RNF182: variants seen among roughly 807,000 people sequenced by gnomAD.
RNF182 encodes ring finger protein 182.
Under a neutral mutation model 14.4 loss-of-function variants are expected in RNF182, and 15 were observed. The observed-to-expected ratio is 1.04, with a 90% CI of 0.70 to 1.60. RNF182 has a LOEUF of 1.60. Ranked by LOEUF, RNF182 falls within the 40% of genes most tolerant of loss-of-function variation. The probability of loss-of-function intolerance (pLI) is 0.00; values close to 1 mark genes in which losing one functional copy is unlikely to be tolerated. For synonymous variants in RNF182, 128 were observed against 122.9 expected (o/e 1.04, Z -0.27); for missense variants, 268 against 294.8 (o/e 0.91, Z 0.67).
chr6:13,938,991 G>A (rs1388903043), intron 1 of RNF182, among the ~76,000 whole-genome samples: 2 of 152,210 alleles, frequency 1.3e-5, no homozygotes, highest in Non-Finnish European at 2.9e-5. Flanking sequence ...GCTGAGGCAT[G>A]TGAATTGCTT....
At chr6:13,935,304 C>A (rs200246296) in intron 1 of RNF182, among the ~76,000 whole-genome samples, 1 of 150,014 alleles carries the variant, frequency 6.7e-6, no homozygotes, top group Non-Finnish European at 1.5e-5. Context: ...GAAACAATGT[C>A]TTTTTTTTTT....
chr6:13,977,981 C>A lies in RNF182; in HGVS notation c.*118C>A. 8.8e-7 allele frequency: 1 copy of A among 1,141,908 alleles called. No homozygotes were observed. Among genetic ancestry groups the A allele is most frequent in the Non-Finnish European group, 1.2e-6 (1 of 813,306 alleles). 70.7% of individuals were successfully genotyped at this position (1,141,908 alleles called of 1,614,324 possible). On this transcript the variant is annotated 3_prime_UTR_variant, in exon 3 of 3. Coordinates refer to ENST00000488300, the MANE Select transcript of RNF182 (RefSeq NM_152737.4). ...ATTAGTATCCATGACATTAACAAAA[C>A]CCTTGGCCACATGTTGACTTGATTG...
rs1242055402 is a variant in RNF182, at chr6:13,977,920, A to G, written c.*57A>G. ...TTGCCCTGTTTGAGTGTGAAGTTAG[A>G]TAATTTATAATTTATTTTCTTTTAT... On this transcript the variant is annotated 3_prime_UTR_variant, in exon 3 of 3. Coordinates refer to ENST00000488300, the MANE Select transcript of RNF182 (RefSeq NM_152737.4). 6.9e-7 allele frequency: 1 copy of G among 1,455,628 alleles called. No individual in the cohort carries two copies. Among genetic ancestry groups the G allele is most frequent in the African/African-American group, 1.4e-5 (1 of 70,474 alleles). 90.2% of individuals were successfully genotyped at this position (1,455,628 alleles called of 1,614,324 possible). A position where few individuals can be genotyped will look rare whatever the true frequency, so the allele number is the denominator to read the frequency against.
intron 1 of RNF182, among the ~76,000 whole-genome samples, chr6:13,933,020 A>G (rs1217838393): frequency 6.6e-6 from 1 of 152,194 alleles, no homozygotes; most frequent in African/African-American, 2.4e-5. Flanking sequence ...TAATTAAAAT[A>G]TGGTTGCTTA....
chr6:13,951,656 A>G (rs1759596825), intron 1 of RNF182, among the ~76,000 whole-genome samples: 2 of 152,218 alleles, frequency 1.3e-5, no homozygotes, highest in Admixed American at 6.5e-5. Flanking sequence ...CCTGACTGGT[A>G]GGAAATTCCT....
At chr6:13,932,107 T>C (rs552585740) in intron 1 of RNF182, among the ~76,000 whole-genome samples, 94 of 152,316 alleles carry the variant, frequency 6.2e-4, no homozygotes, top group Non-Finnish European at 1.2e-3. Flanking sequence ...CCATTCAGCA[T>C]ATGGTATTTT....
At chr6:13,962,794 A>G (rs1334365225) in intron 1 of RNF182, among the ~76,000 whole-genome samples, 8 of 152,208 alleles carry the variant, frequency 5.3e-5, no homozygotes, top group Non-Finnish European at 1.0e-4. Context: ...TTGATGCCGC[A>G]TTAAAATGGT....
At chr6:13,969,629 A>T (rs1251748274) in intron 1 of RNF182, among the ~76,000 whole-genome samples, 2 of 152,238 alleles carry the variant, frequency 1.3e-5, no homozygotes, top group Non-Finnish European at 2.9e-5. Flanking sequence ...CATCTTCACC[A>T]TCAAGGGAAT....
intron 1 of RNF182, among the ~76,000 whole-genome samples, chr6:13,968,071 A>G (rs1382632059): frequency 4.8e-5 from 6 of 123,926 alleles, no homozygotes; most frequent in Non-Finnish European, 1.2e-4. Context: ...ATAACAAACA[A>G]AAATAAATTA....
chr6:13,949,165 C>A, intron 1 of RNF182: 1 of 793,922 alleles, frequency 1.3e-6, no homozygotes, highest in Non-Finnish European at 2.3e-6. Context: ...AATATTTTGG[C>A]ATCTTCAGCC....
chr6:13,948,213 A>G (rs181145576), intron 1 of RNF182, among the ~76,000 whole-genome samples: 1 of 152,288 alleles, frequency 6.6e-6, no homozygotes, highest in East Asian at 1.9e-4. Flanking sequence ...ATACATTTCA[A>G]AGCTGTGAAA....
chr6:13,975,127 G>A (rs1460465614), intron 2 of RNF182, among the ~76,000 whole-genome samples: 1 of 152,158 alleles, frequency 6.6e-6, no homozygotes, highest in African/African-American at 2.4e-5. Context: ...AACTGCCCAG[G>A]GCTGGGGACT....
intron 1 of RNF182, among the ~76,000 whole-genome samples, chr6:13,959,682 AG>A (rs1213727377): frequency 6.6e-6 from 1 of 152,224 alleles, no homozygotes; most frequent in African/African-American, 2.4e-5. Context: ...GTAGAATCAA[AG>A]GTGACTCCTA....
chr6:13,977,321 A>C lies in RNF182; in HGVS notation c.202A>C (p.Arg68=). 6.2e-7 allele frequency: 1 copy of C among 1,614,180 alleles called. No individual in the cohort carries two copies. Among genetic ancestry groups the C allele is most frequent in the Non-Finnish European group, 8.5e-7 (1 of 1,180,016 alleles). The change falls in exon 3 of 3, where the codon AGG becomes CGG. Residue 68 remains arginine, a synonymous_variant. Transcript: ENST00000488300. ...PQGVIVCPFC[R]FETCLPDDEV... ...AGGTGTCATTGTCTGTCCTTTCTGC[A>C]GGTTTGAGACGTGCCTGCCAGATGA...
rs150175074 is a variant in RNF182, at chr6:13,976,751, G to A, written c.-211-158G>A. Among the ~76,000 whole-genome samples the A allele has an allele frequency of 1.7e-4, 26 of 152,290 alleles. No homozygotes were observed. The East Asian group carries it at 3.7e-3, about 21-fold the overall frequency. On this transcript the variant is annotated intron_variant, in intron 2 of 2. Transcript: ENST00000488300. ...CTAAGCATGGAAATAACACTTTTCC[G>A]TTCCAGGGACAGAAGTGTGTGAAAA...
Position 13,969,581 on chromosome 6 carries a change from A to G in RNF182, c.-366-4629A>G, listed in dbSNP as rs115913155. Among the ~76,000 whole-genome samples, 1,036 of 152,334 alleles carry G rather than the reference A, an allele frequency of 6.8e-3. 20 individuals carry two copies. Among genetic ancestry groups the G allele is most frequent in the African/African-American group, 0.024 (983 of 41,576 alleles). On this transcript the variant is annotated intron_variant, in intron 1 of 2. Transcript: ENST00000488300. ...AGGTAGACAATAACAACAGGTGTCC[A>G]CTGGAGGGACTTTGCTTTAAAATAT...
At chr6:13,955,992 A>G (rs570672607) in intron 1 of RNF182, among the ~76,000 whole-genome samples, 93 of 152,284 alleles carry the variant, frequency 6.1e-4, no homozygotes, top group African/African-American at 2.0e-3. Context: ...TAACATTTCC[A>G]TGGGCTAAAA....
chr6:13,927,409 C>T (rs1758856964), intron 1 of RNF182, among the ~76,000 whole-genome samples: 1 of 152,192 alleles, frequency 6.6e-6, no homozygotes, highest in Non-Finnish European at 1.5e-5. Flanking sequence ...ATCACTCTTG[C>T]TGATTCACGG....
intron 1 of RNF182, among the ~76,000 whole-genome samples, chr6:13,967,527 C>G (rs927025009): frequency 3.3e-5 from 5 of 152,072 alleles, no homozygotes; most frequent in Non-Finnish European, 7.4e-5. Flanking sequence ...AATAGGTATT[C>G]TAGAACCACA....
Sources: gnomAD v4.1 joint callset for allele counts (sites outside exome capture counted in the v4.1 genomes callset) on GRCh38, gnomAD v4.1.1 for gene constraint, MANE v1.5 for transcripts, NCBI Gene and HGNC (gene_info 2026-07-23, HGNC 2026-07-21) for gene names.